Variants in DYNC1H1 observed in about 807,000 individuals in gnomAD.
The protein encoded by DYNC1H1 is dynein cytoplasmic 1 heavy chain 1.
DYNC1H1 carries 51 observed loss-of-function variants against 527.1 expected under a neutral mutation model. That is an observed-to-expected ratio of 0.10 (90% confidence interval 0.08 to 0.12). The LOEUF is 0.12. Ranked by LOEUF, DYNC1H1 falls within the 10% of genes least tolerant of loss-of-function variation. The pLI is 1.00. For missense variants in DYNC1H1, 2,771 were observed against 5,971.8 expected (o/e 0.46, Z 17.66); for synonymous variants, 2,189 against 2,278.8 (o/e 0.96, Z 1.12).
chr14:102,002,658 C>T lies in DYNC1H1; in HGVS notation c.4664C>T (p.Ala1555Val). ...CTGGAAGGTATCTTCACAGGCAGTGCAGATATCAAGCACCTGCTGCCAGTG... is the reference window on the plus strand; with the variant it reads ...CTGGAAGGTATCTTCACAGGCAGTGTAGATATCAAGCACCTGCTGCCAGTG... ...VYLEGIFTGS[A>V]DIKHLLPVET... Residue 1555 changes from alanine to valine, a missense_variant, in exon 22 of 78, where the codon GCA (alanine) becomes GTA (valine). By Grantham distance (64) the Ala-to-Val change is moderately conservative (BLOSUM62 0). Around this residue, in one of 32 missense-constraint regions of DYNC1H1, gnomAD observed 51 missense variants for 189.2 expected, o/e 0.27. Transcript: ENST00000360184. The surrounding 1 kb of genome is among the most constrained non-coding windows in gnomAD (Gnocchi z 4.4). The T allele has an allele frequency of 1.2e-6, 2 of 1,614,226 alleles. No individual in the cohort carries two copies. The highest frequency in any genetic ancestry group is 2.2e-5 in the South Asian group (2 of 91,080).
At position 101,965,026 on chromosome 14, in the gene DYNC1H1, G is replaced by C. The variant is rs1028008446; in HGVS notation, c.256+79G>C. 1.4e-6 allele frequency: 2 copies of C among 1,456,624 alleles called. No homozygotes were observed. The highest frequency in any genetic ancestry group is 1.9e-6 in the Non-Finnish European group (2 of 1,080,110). 90.2% of individuals were successfully genotyped at this position (1,456,624 alleles called of 1,614,324 possible). The stretch of plus-strand genomic sequence containing the variant: ...GCCTGCCAGGTCCTCCGGGGTCGCA[G>C]ATGTCCCCGGGATGGGAGGAGCCCG... On this transcript the variant is annotated intron_variant, in intron 1 of 77. Transcript: ENST00000360184. The surrounding 1 kb of genome is among the most constrained non-coding windows in gnomAD (Gnocchi z 4.1).
At chr14:101,975,428 G>A (rs906149476) in intron 1 of DYNC1H1, among the ~76,000 whole-genome samples, 3 of 152,184 alleles carry the variant, frequency 2.0e-5, no homozygotes, top group Non-Finnish European at 4.4e-5. Flanking sequence ...ACTGCCCACC[G>A]CCAGGCCCTG....
At chr14:101,994,352 G>A (rs1295018568) in intron 12 of DYNC1H1, 28 bp downstream of exon 12, 1 of 1,613,872 alleles carries the variant, frequency 6.2e-7, no homozygotes, top group Non-Finnish European at 8.5e-7. Context: ...TCATTCAAAT[G>A]TGCATATGGT....
In DYNC1H1 at chr14:101,979,594, G is replaced by C; in HGVS notation, c.518+102G>C. On this transcript the variant is annotated intron_variant, in intron 3 of 77. Transcript: ENST00000360184. This position sits in a 1 kb window ranked among gnomAD's most constrained non-coding sequence, Gnocchi z 4.6. ...ATTGGGAGGGTAACGCTAGTGAGCC[G>C]AGGGGATATAAACCCTGTGTATTAA... is the stretch of plus-strand genomic sequence containing the variant. 1.2e-6 allele frequency: 2 copies of C among 1,605,158 alleles called. No individual in the cohort carries two copies. Among genetic ancestry groups the C allele is most frequent in the Non-Finnish European group, 1.7e-6 (2 of 1,173,484 alleles).
intron 42 of DYNC1H1, among the ~76,000 whole-genome samples, chr14:102,021,246 GTGTACC>G (rs919800671): frequency 6.6e-6 from 1 of 152,086 alleles, no homozygotes; most frequent in African/African-American, 2.4e-5. Flanking sequence ...GTGTGGTGAC[GTGTACC>G]TGTAGTCCCA....
In DYNC1H1 at chr14:102,015,055, G is replaced by C. The variant is rs1230423974; in HGVS notation, c.7015-50G>C. 7 of 1,599,134 alleles carry C rather than the reference G, an allele frequency of 4.4e-6. No individual in the cohort carries two copies. Among genetic ancestry groups the C allele is most frequent in the East Asian group, 2.2e-5 (1 of 44,818 alleles). ...ATAGGTAAAAGAATCTTAATGTCCA[G>C]GTTTCTTCCAAACCTATGTCATTAA... On this transcript the variant is annotated intron_variant, in intron 34 of 77. Coordinates refer to ENST00000360184, the MANE Select transcript of DYNC1H1 (RefSeq NM_001376.5). This position sits in a 1 kb window ranked among gnomAD's most constrained non-coding sequence, Gnocchi z 6.9.
In DYNC1H1 at chr14:102,005,388, C is replaced by T. The variant is rs1001161669; in HGVS notation, c.5433+152C>T. The T allele has an allele frequency of 3.1e-5, 33 of 1,076,424 alleles. No homozygotes were observed. In the African/African-American group the frequency reaches 4.3e-4, roughly 14 times the overall value. 66.7% of individuals were successfully genotyped at this position (1,076,424 alleles called of 1,614,324 possible). A position where few individuals can be genotyped will look rare whatever the true frequency, so the allele number is the denominator to read the frequency against. On this transcript the variant is annotated intron_variant, in intron 26 of 77. Transcript: ENST00000360184. This position sits in a 1 kb window ranked among gnomAD's most constrained non-coding sequence, Gnocchi z 4.0. ...ATATCCTCTGAGGGTGGGCATTTGG[C>T]TCCCTGTCCCTGTTGAAAGGTAATC... is the stretch of plus-strand genomic sequence containing the variant.
At chr14:101,977,267 A>T (rs550473476) in intron 2 of DYNC1H1, among the ~76,000 whole-genome samples, 2 of 152,354 alleles carry the variant, frequency 1.3e-5, no homozygotes, top group South Asian at 4.1e-4. Context: ...ACATATCCAA[A>T]TTTAAATATG....
In DYNC1H1 at chr14:102,034,038, A is replaced by C; in HGVS notation, c.10476A>C (p.Thr3492=). 6.2e-7 allele frequency: 1 copy of C among 1,614,120 alleles called. No homozygotes were observed. Among genetic ancestry groups the C allele is most frequent in the Non-Finnish European group, 8.5e-7 (1 of 1,180,038 alleles). The change falls in exon 55 of 78, where the codon ACA becomes ACC. Residue 3492 remains threonine (T), a synonymous_variant. Coordinates refer to ENST00000360184, the MANE Select transcript of DYNC1H1 (RefSeq NM_001376.5). ...LSAERERWEK[T]SETFKNQMST... ...CTGAACGTGAACGATGGGAAAAAAC[A>C]AGTGAAACTTTCAAAAACCAGATGT...
At chr14:101,974,484 G>A (rs929821096) in intron 1 of DYNC1H1, among the ~76,000 whole-genome samples, 3 of 152,028 alleles carry the variant, frequency 2.0e-5, no homozygotes, top group African/African-American at 2.4e-5. Context: ...TGTAATTTTT[G>A]CCAACATATA....
chr14:102,016,160 G>A lies in DYNC1H1; in HGVS notation c.7473+74G>A. 5 of 1,536,132 alleles carry A rather than the reference G, an allele frequency of 3.3e-6. No individual in the cohort carries two copies. The highest frequency in any genetic ancestry group is 4.4e-6 in the Non-Finnish European group (5 of 1,134,606). ...CAGGTCTGAGGACCTCTGAAATGCT[G>A]CACCTGTGGGGATGTGCGCTCTCTC... On this transcript the variant is annotated intron_variant, in intron 36 of 77. Transcript: ENST00000360184. This position sits in a 1 kb window ranked among gnomAD's most constrained non-coding sequence, Gnocchi z 7.3.
intron 56 of DYNC1H1, 49 bp downstream of exon 56, chr14:102,034,501 A>T (rs764789692): frequency 6.2e-7 from 1 of 1,611,396 alleles, no homozygotes; most frequent in East Asian, 2.2e-5. Flanking sequence ...GTGGGTGGTG[A>T]TCTTGAATTT....
chr14:102,028,807 A>G (rs4906174), intron 48 of DYNC1H1: 55,495 of 161,694 alleles, frequency 0.34, 13,480 homozygotes, highest in African/African-American at 0.71. Flanking sequence ...AAATGTTTTA[A>G]CCTTTACAGG....
rs4906172 is a variant in DYNC1H1, at chr14:101,988,596, C to A, written c.2719-107C>A. ...AAGAGAGATATGAAGGCTTCTAGTC[C>A]GGAACTGTGTATCTTTTATCTGAAA... On this transcript the variant is annotated intron_variant, in intron 9 of 77. Transcript: ENST00000360184. 0.23 allele frequency: 331,350 copies of A among 1,447,390 alleles called. 48,031 individuals carry two copies. The highest frequency in any genetic ancestry group is 0.71 in the African/African-American group (51,191 of 71,600). The allele number at this position is 1,447,390 out of a possible 1,614,324, so 89.7% of individuals were successfully genotyped here. A position where few individuals can be genotyped will look rare whatever the true frequency, so the allele number is the denominator to read the frequency against.
At chr14:102,022,539 A>T (rs1291987073) in intron 42 of DYNC1H1, among the ~76,000 whole-genome samples, 6 of 152,044 alleles carry the variant, frequency 3.9e-5, no homozygotes, top group Admixed American at 3.9e-4. Context: ...TCTGTAAGTA[A>T]GTAAGTAAAT....
chr14:102,001,112 C>T lies in DYNC1H1; in HGVS notation c.4186-33C>T, dbSNP rs750641246. 6.2e-7 allele frequency: 1 copy of T among 1,614,156 alleles called. No individual in the cohort carries two copies. Among genetic ancestry groups the T allele is most frequent in the South Asian group, 1.1e-5 (1 of 91,088 alleles). ...TGATGAGTGTCCATTAGAAACGCAC[C>T]TGCACAGATCACTTTGTTTACTTTC... On this transcript the variant is annotated intron_variant, in intron 19 of 77. Coordinates refer to ENST00000360184, the MANE Select transcript of DYNC1H1 (RefSeq NM_001376.5). The surrounding 1 kb of genome is among the most constrained non-coding windows in gnomAD (Gnocchi z 5.0).
rs1248835520 is a variant in DYNC1H1, at chr14:102,020,016, C to T, written c.8467C>T (p.Arg2823Trp). 6.2e-7 allele frequency: 1 copy of T among 1,614,124 alleles called. No homozygotes were observed. The change falls in exon 42 of 78, where the codon CGG (arginine) becomes TGG (tryptophan). Residue 2823 changes from arginine (R) to tryptophan (W), a missense_variant. Physicochemically the swap from Arg to Trp is moderately radical, Grantham distance 101. This residue lies in a region of DYNC1H1 where 163 missense variants were observed against 346.9 expected (regional missense o/e 0.47). Coordinates refer to ENST00000360184, the MANE Select transcript of DYNC1H1 (RefSeq NM_001376.5). The surrounding 1 kb of genome is among the most constrained non-coding windows in gnomAD (Gnocchi z 4.3). ...LETLPVEGLI[R>W]IWAHEALRLF... Reference sequence around the variant, plus strand: ...GACCCTGCCTGTTGAAGGCCTCATTCGGATTTGGGCACATGAAGCTCTGCG... The same window carrying T: ...GACCCTGCCTGTTGAAGGCCTCATTTGGATTTGGGCACATGAAGCTCTGCG...
chr14:102,021,529 T>A (rs1420122187), intron 42 of DYNC1H1, among the ~76,000 whole-genome samples: 1 of 152,124 alleles, frequency 6.6e-6, no homozygotes, highest in South Asian at 2.1e-4. Context: ...GCATAGGAGA[T>A]CTTACAGTCA....
In DYNC1H1 at chr14:102,028,131, C is replaced by G. The variant is rs2048470962; in HGVS notation, c.9458C>G (p.Thr3153Ser). ...AACAGCTGTGTGTTTGTTCATCAGACTCTTCACCAGGTGGGTTCAGTTTTG... is the reference window on the plus strand; with the variant it reads ...AACAGCTGTGTGTTTGTTCATCAGAGTCTTCACCAGGTGGGTTCAGTTTTG... Reference protein sequence around the residue: ...IVNSCVFVHQTLHQANARLAK... With the variant: ...IVNSCVFVHQSLHQANARLAK... Residue 3153 changes from threonine to serine, a missense_variant, in exon 48 of 78, where the codon ACT becomes AGT. Thr to Ser is a moderately conservative substitution (Grantham distance 58, BLOSUM62 1). This residue lies in a region of DYNC1H1 where 67 missense variants were observed against 128.2 expected (regional missense o/e 0.52). Coordinates refer to ENST00000360184, the MANE Select transcript of DYNC1H1 (RefSeq NM_001376.5). 2.5e-6 allele frequency: 4 copies of G among 1,613,942 alleles called. No individual in the cohort carries two copies. Among genetic ancestry groups the G allele is most frequent in the Non-Finnish European group, 3.4e-6 (4 of 1,179,938 alleles).
Sources: allele counts gnomAD v4.1 joint callset (sites outside exome capture counted in the v4.1 genomes callset), GRCh38; gene constraint gnomAD v4.1.1; regional missense constraint gnomAD v4.1.1; non-coding constraint Gnocchi (gnomAD v3.1); transcripts MANE v1.5; gene names NCBI Gene and HGNC (gene_info 2026-07-23, HGNC 2026-07-21).